CENPF: variants seen among roughly 807,000 people sequenced by gnomAD.
CENPF encodes centromere protein F.
CENPF carries 214 observed loss-of-function variants against 307.3 expected under a neutral mutation model. The ratio of observed to expected loss-of-function variants is 0.70; its 90% confidence interval spans 0.62 to 0.78. CENPF has a LOEUF of 0.78. Ranked by LOEUF, CENPF falls within the 30% of genes least tolerant of loss-of-function variation. CENPF has a pLI of 0.00. For missense variants in CENPF, 3,401 were observed against 3,483.9 expected (o/e 0.98, Z 0.60); for synonymous variants, 1,259 against 1,270.6 (o/e 0.99, Z 0.19).
In CENPF at chr1:214,655,313, A is replaced by G. The variant is rs376139073; in HGVS notation, c.8395A>G (p.Ile2799Val). The G allele has an allele frequency of 4.3e-6, 7 of 1,609,548 alleles. No individual in the cohort carries two copies. Among genetic ancestry groups the G allele is most frequent in the Non-Finnish European group, 5.1e-6 (6 of 1,177,754 alleles). The change falls in exon 17 of 20, where the codon ATC becomes GTC. Residue 2799 changes from isoleucine to valine, a missense_variant. Physicochemically the swap from Ile to Val is conservative, Grantham distance 29 (BLOSUM62 3). Coordinates refer to ENST00000366955, the MANE Select transcript of CENPF (RefSeq NM_016343.4). ...ERAQGKMKLL[I>V]KSCKQLEEEK... ...TGCCCAGGGGAAAATGAAGTTGTTG[A>G]TCAAATCCTGTAAACAGCTGGAAGA...
At chr1:214,603,699 G>A (rs1171503674) in intron 1 of CENPF, 1 of 152,156 alleles carries the variant, frequency 6.6e-6, no homozygotes, top group African/African-American at 2.4e-5. Context: ...TTGAAATTCA[G>A]GCCCTGGTCC....
rs749258546 is a variant in CENPF, at chr1:214,644,710, G to A, written c.5140G>A (p.Ala1714Thr). ...LDIEKITETG[A>T]VKPTGECSGE... is the part of the protein sequence containing the mutation. Reference sequence around the variant, plus strand: ...CATTGAGAAAATAACTGAGACTGGTGCAGTGAAACCCACAGGAGAGTGCTC... The same window carrying A: ...CATTGAGAAAATAACTGAGACTGGTACAGTGAAACCCACAGGAGAGTGCTC... Residue 1714 changes from alanine to threonine, a missense_variant, in exon 13 of 20, where the codon GCA (alanine) becomes ACA (threonine). By Grantham distance (58) the Ala-to-Thr change is moderately conservative. Coordinates refer to ENST00000366955, the MANE Select transcript of CENPF (RefSeq NM_016343.4). The A allele has an allele frequency of 2.5e-5, 40 of 1,613,870 alleles. No homozygotes were observed. In the African/African-American group the frequency reaches 4.7e-4, roughly 19 times the overall value.
chr1:214,613,068 G>A, intron 1 of CENPF: 1 of 340,644 alleles, frequency 2.9e-6, no homozygotes, highest in South Asian at 3.5e-5. Context: ...CATGAATTCT[G>A]CCATTTTGCT....
Position 214,658,845 on chromosome 1 carries a change from C to G in CENPF, c.8963-5C>G. On this transcript the variant is annotated splice_polypyrimidine_tract_variant and splice_region_variant and intron_variant, in intron 18 of 19. Coordinates refer to ENST00000366955, the MANE Select transcript of CENPF (RefSeq NM_016343.4). ...AGTGCTGACAGTTATTTTTTTTGCC[C>G]TTAGGGTTTGCTGACATCCCGACAG... 6.2e-7 allele frequency: 1 copy of G among 1,610,706 alleles called. No individual in the cohort carries two copies. Among genetic ancestry groups the G allele is most frequent in the Non-Finnish European group, 8.5e-7 (1 of 1,178,882 alleles).
chr1:214,663,657 G>A lies in CENPF; in HGVS notation c.9208G>A (p.Val3070Ile), dbSNP rs139064536. ...CCTCCGAGAACCCACCACGAAATCC[G>A]TCCCAGTCAATAATCTTCCTGAGAG... ...TILREPTTKS[V>I]PVNNLPERSP... Residue 3070 changes from valine (V) to isoleucine (I), a missense_variant, in exon 20 of 20, where the codon GTC becomes ATC. Val to Ile is a conservative substitution (Grantham distance 29, BLOSUM62 3). Coordinates refer to ENST00000366955, the MANE Select transcript of CENPF (RefSeq NM_016343.4). The A allele has an allele frequency of 2.5e-5, 40 of 1,613,856 alleles. No individual in the cohort carries two copies. In the African/African-American group the frequency reaches 2.5e-4, roughly 10 times the overall value.
rs763364066 is a variant in CENPF, at chr1:214,613,797, A to G, written c.43A>G (p.Arg15Gly). Residue 15 changes from arginine (R) to glycine (G), a missense_variant, in exon 2 of 20, where the codon AGA (arginine) becomes GGA (glycine). Transcript: ENST00000366955. ...AGAATGGAAAGAAGGGCTGCCTACA[A>G]GAGCTCTTCAGAAAATTCAAGAGCT... ...LEEWKEGLPT[R>G]ALQKIQELEG... 1 of 1,613,424 alleles carries G rather than the reference A, an allele frequency of 6.2e-7. No individual in the cohort carries two copies. The highest frequency in any genetic ancestry group is 2.2e-5 in the East Asian group (1 of 44,824).
At position 214,658,869 on chromosome 1, in the gene CENPF, A is replaced by G. The variant is rs763433040; in HGVS notation, c.8982A>G (p.Thr2994=). ...VVKKGFADIP[T]GKTSPYILRR... is the part of the protein sequence containing the mutation. The stretch of plus-strand genomic sequence containing the variant: ...CCTTAGGGTTTGCTGACATCCCGAC[A>G]GGAAAGACTAGCCCATATATCCTGC... The change falls in exon 19 of 20, where the codon ACA becomes ACG. Residue 2994 remains threonine, a synonymous_variant. Transcript: ENST00000366955. The G allele has an allele frequency of 6.2e-6, 10 of 1,613,944 alleles. No homozygotes were observed. In the African/African-American group the frequency reaches 1.3e-4, roughly 22 times the overall value.
chr1:214,640,227 T>C lies in CENPF; in HGVS notation c.1889T>C (p.Leu630Ser). ...SCWKSENEKL[L>S]TQMESEKENL... ...TGGAAAAGTGAAAACGAAAAACTTT[T>C]AACTCAGATGGAATCAGAAAAGGAA... is the stretch of plus-strand genomic sequence containing the variant. Residue 630 changes from leucine to serine, a missense_variant, in exon 12 of 20, where the codon TTA becomes TCA. Coordinates refer to ENST00000366955, the MANE Select transcript of CENPF (RefSeq NM_016343.4). 6.2e-7 allele frequency: 1 copy of C among 1,607,776 alleles called. No homozygotes were observed. Among genetic ancestry groups the C allele is most frequent in the Non-Finnish European group, 8.5e-7 (1 of 1,178,624 alleles).
At chr1:214,632,732 G>A (rs943512032) in intron 10 of CENPF, 130 bp downstream of exon 10, 26 of 975,872 alleles carry the variant, frequency 2.7e-5, no homozygotes, top group Non-Finnish European at 3.6e-5. Context: ...TTCACCAGAA[G>A]TAAGTATTAC....
At position 214,656,966 on chromosome 1, in the gene CENPF, C is replaced by A; in HGVS notation, c.8519C>A (p.Thr2840Lys). The stretch of plus-strand genomic sequence containing the variant: ...ATGGATACCAAGGTCGATGAATTAA[C>A]AACTGAGATCAAAGAACTGAAAGAA... The part of the protein sequence containing the change: ...TVMDTKVDEL[T>K]TEIKELKETL... The change falls in exon 18 of 20, where the codon ACA (threonine) becomes AAA (lysine). Residue 2840 changes from threonine to lysine, a missense_variant. Transcript: ENST00000366955. The A allele has an allele frequency of 6.2e-7, 1 of 1,611,512 alleles. No individual in the cohort carries two copies. Among genetic ancestry groups the A allele is most frequent in the Non-Finnish European group, 8.5e-7 (1 of 1,179,336 alleles).
intron 19 of CENPF, among the ~76,000 whole-genome samples, chr1:214,663,067 G>A (rs988711771): frequency 2.6e-5 from 4 of 152,082 alleles, no homozygotes; most frequent in Admixed American, 6.5e-5. Context: ...TATTCTTTCC[G>A]GACTTTATTG....
chr1:214,613,877 T>C lies in CENPF; in HGVS notation c.123T>C (p.Leu41=), dbSNP rs985391031. Residue 41 remains leucine (L), a synonymous_variant, in exon 2 of 20, where the codon CTT becomes CTC. Transcript: ENST00000366955. ...KKEKQQRQFQ[L]DSLEAALQKQ... ...AAAAGCAGCAAAGGCAGTTTCAGCT[T>C]GACAGTCTCGAGGCTGCGCTGCAGA... 19 of 1,613,672 alleles carry C rather than the reference T, an allele frequency of 1.2e-5. No individual in the cohort carries two copies. The highest frequency in any genetic ancestry group is 2.2e-5 in the East Asian group (1 of 44,856).
chr1:214,640,406 T>G lies in CENPF; in HGVS notation c.2068T>G (p.Ser690Ala). ...RNLHNVLDSK[S>A]VEVETQKLAY... ...CCTTCACAACGTGTTAGACAGTAAG[T>G]CAGTGGAGGTAGAGACCCAGAAACT... The change falls in exon 12 of 20, where the codon TCA becomes GCA. Residue 690 changes from serine to alanine, a missense_variant. Ser to Ala is a moderately conservative substitution (Grantham distance 99). Transcript: ENST00000366955. 6.2e-7 allele frequency: 1 copy of G among 1,613,920 alleles called. No homozygotes were observed.
chr1:214,613,887 G>C lies in CENPF; in HGVS notation c.133G>C (p.Glu45Gln). ...QQRQFQLDSL[E>Q]AALQKQKQKV... Reference sequence around the variant, plus strand: ...AAGGCAGTTTCAGCTTGACAGTCTCGAGGCTGCGCTGCAGAAGCAAAAACA... The same window carrying C: ...AAGGCAGTTTCAGCTTGACAGTCTCCAGGCTGCGCTGCAGAAGCAAAAACA... The change falls in exon 2 of 20, where the codon GAG becomes CAG. Residue 45 changes from glutamate (E) to glutamine (Q), a missense_variant. Physicochemically the swap from Glu to Gln is conservative, Grantham distance 29. Coordinates refer to ENST00000366955, the MANE Select transcript of CENPF (RefSeq NM_016343.4). The C allele has an allele frequency of 1.2e-6, 2 of 1,612,918 alleles. No individual in the cohort carries two copies. Among genetic ancestry groups the C allele is most frequent in the Non-Finnish European group, 1.7e-6 (2 of 1,179,648 alleles).
Position 214,646,092 on chromosome 1 carries a change from T to A in CENPF, c.6522T>A (p.Ile2174=). 6.2e-7 allele frequency: 1 copy of A among 1,614,064 alleles called. No individual in the cohort carries two copies. The highest frequency in any genetic ancestry group is 8.5e-7 in the Non-Finnish European group (1 of 1,180,018). The change falls in exon 13 of 20, where the codon ATT becomes ATA. Residue 2174 remains isoleucine (I), a synonymous_variant. Coordinates refer to ENST00000366955, the MANE Select transcript of CENPF (RefSeq NM_016343.4). ...CAGAAGAAAACCAGGAGCTAGTGAT[T>A]CTTGATGCCGAGAATTCCAAAGCAG... is the stretch of plus-strand genomic sequence containing the variant. ...QMSEENQELV[I]LDAENSKAEV... is the part of the protein sequence containing the mutation.
chr1:214,615,354 A>G (rs1489226342), intron 3 of CENPF, among the ~76,000 whole-genome samples: 2 of 152,224 alleles, frequency 1.3e-5, no homozygotes, highest in African/African-American at 4.8e-5. Flanking sequence ...AATAATAAAT[A>G]GTACTATCAT....
At chr1:214,610,495 T>A (rs1657168814) in intron 1 of CENPF, among the ~76,000 whole-genome samples, 8 of 150,388 alleles carry the variant, frequency 5.3e-5, no homozygotes, top group Admixed American at 4.0e-4. Flanking sequence ...TTTTTTTTTT[T>A]AGAAAAGTGT....
chr1:214,622,284 A>G lies in CENPF; in HGVS notation c.1068+3A>G, dbSNP rs1657529607. 2 of 1,589,830 alleles carry G rather than the reference A, an allele frequency of 1.3e-6. No individual in the cohort carries two copies. Among genetic ancestry groups the G allele is most frequent in the African/African-American group, 2.7e-5 (2 of 73,510 alleles). ...AATACGACCAGGCGTCAACCAAGGT[A>G]CTTGACTTTTCGTGAATTACTGGAG... On this transcript the variant is annotated splice_donor_region_variant and intron_variant, in intron 7 of 19. Coordinates refer to ENST00000366955, the MANE Select transcript of CENPF (RefSeq NM_016343.4).
intron 1 of CENPF, among the ~76,000 whole-genome samples, chr1:214,606,542 C>G (rs989236242): frequency 6.6e-6 from 1 of 152,220 alleles, no homozygotes; most frequent in African/African-American, 2.4e-5. Flanking sequence ...TGCCCACCCC[C>G]TTGGCCATGA....
Sources: gnomAD v4.1 joint callset for allele counts (sites outside exome capture counted in the v4.1 genomes callset) on GRCh38, gnomAD v4.1.1 for gene constraint, MANE v1.5 for transcripts, NCBI Gene and HGNC (gene_info 2026-07-23, HGNC 2026-07-21) for gene names.